CRACR2A: variants seen among roughly 807,000 people sequenced by gnomAD.
CRACR2A encodes EF-hand calcium-binding domain-containing protein 4B.
CRACR2A carries 79 observed loss-of-function variants against 90.5 expected under a neutral mutation model. That is an observed-to-expected ratio of 0.87 (90% confidence interval 0.73 to 1.05). CRACR2A has a LOEUF of 1.05. CRACR2A is among the 50% of genes least tolerant of loss of function. CRACR2A has a pLI of 0.00. For synonymous variants in CRACR2A, 338 were observed against 356.7 expected (o/e 0.95, Z 0.59); for missense variants, 823 against 897.2 (o/e 0.92, Z 1.06).
chr12:3,627,266 A>C (rs1347143619), intron 17 of CRACR2A, among the ~76,000 whole-genome samples, 170 bp downstream of exon 17: 24 of 152,188 alleles, frequency 1.6e-4, no homozygotes, highest in Admixed American at 1.6e-3. Context: ...CTGGCCTGGT[A>C]CTGGGAACCC....
chr12:3,647,119 A>C (rs1591653351), intron 11 of CRACR2A, among the ~76,000 whole-genome samples: 1 of 151,664 alleles, frequency 6.6e-6, no homozygotes, highest in African/African-American at 2.4e-5. Flanking sequence ...AGCCCTTCTC[A>C]CCCCGTCACA....
chr12:3,619,630 C>T (rs1204643216), intron 17 of CRACR2A, among the ~76,000 whole-genome samples: 2 of 152,198 alleles, frequency 1.3e-5, no homozygotes, highest in Admixed American at 6.5e-5. Context: ...ACCGCTCCCC[C>T]TTCACGATGC....
At chr12:3,685,530 C>T (rs1421558643) in intron 4 of CRACR2A, among the ~76,000 whole-genome samples, 2 of 152,188 alleles carry the variant, frequency 1.3e-5, no homozygotes, top group African/African-American at 4.8e-5. Context: ...GTGGTATATA[C>T]ATACAATGGA....
At chr12:3,689,254 C>T (rs1327183880) in intron 4 of CRACR2A, among the ~76,000 whole-genome samples, 3 of 152,146 alleles carry the variant, frequency 2.0e-5, no homozygotes, top group Non-Finnish European at 2.9e-5. Flanking sequence ...TGAGAGAGGG[C>T]ATCCTTGTCT....
rs778163538 is a variant in CRACR2A at position 3,696,967 on chromosome 12, T to C, written c.33A>G (p.Arg11=). The change falls in exon 4 of 20, where the codon AGA becomes AGG. Residue 11 remains arginine, a synonymous_variant. Coordinates refer to ENST00000440314, the MANE Select transcript of CRACR2A (RefSeq NM_001144958.2). The part of the protein sequence containing the change: MAAPDGRVVS[R]PQRLGQGSGQ... ...CAGACCCCTGACCAAGTCTCTGGGG[T>C]CTGGAGACTACCCTCCCGTCAGGGG... 1.2e-6 allele frequency: 2 copies of C among 1,613,714 alleles called. No individual in the cohort carries two copies. Among genetic ancestry groups the C allele is most frequent in the Non-Finnish European group, 8.5e-7 (1 of 1,179,912 alleles).
In CRACR2A at chr12:3,673,506, A is replaced by C; in HGVS notation, c.611T>G (p.Ile204Ser). 2 of 1,614,178 alleles carry C rather than the reference A, an allele frequency of 1.2e-6. No homozygotes were observed. The highest frequency in any genetic ancestry group is 1.7e-6 in the Non-Finnish European group (2 of 1,180,036). Residue 204 changes from isoleucine to serine, a missense_variant, in exon 7 of 20, where the codon ATC becomes AGC. Transcript: ENST00000440314. ...LSNFEDFLTR[I>S]ISQLQEAHEE... ...ATGGGCTTCTTGGAGCTGGGAGATG[A>C]TTCTGGTCAGGAAGTCTTCAAAGTT...
chr12:3,637,453 G>A (rs927383322), intron 14 of CRACR2A, among the ~76,000 whole-genome samples: 1 of 152,116 alleles, frequency 6.6e-6, no homozygotes, highest in Non-Finnish European at 1.5e-5. Context: ...CAAATAATCT[G>A]ATCAATCTTT....
intron 1 of CRACR2A, among the ~76,000 whole-genome samples, chr12:3,749,795 TTG>T (rs200387314): frequency 0.093 from 13,405 of 144,360 alleles, 683 homozygotes; most frequent in South Asian, 0.16. Context: ...TGCTGTTTCT[TTG>T]TGTGTGTGTG....
At chr12:3,745,245 A>C (rs1360074410) in intron 1 of CRACR2A, among the ~76,000 whole-genome samples, 1 of 152,174 alleles carries the variant, frequency 6.6e-6, no homozygotes, top group South Asian at 2.1e-4. Flanking sequence ...GGCACCACTG[A>C]AAGATCTAGA....
chr12:3,706,963 T>C (rs1301841521), intron 3 of CRACR2A, among the ~76,000 whole-genome samples: 1 of 152,076 alleles, frequency 6.6e-6, no homozygotes, highest in Non-Finnish European at 1.5e-5. Context: ...GATTATATTA[T>C]AATAAAATGA....
intron 14 of CRACR2A, among the ~76,000 whole-genome samples, chr12:3,637,751 C>T (rs985270108): frequency 2.6e-5 from 4 of 152,136 alleles, no homozygotes; most frequent in African/African-American, 4.8e-5. Context: ...GAAGGACTTG[C>T]GTCAGAAATA....
chr12:3,615,413 ACT>A lies in CRACR2A; in HGVS notation c.2136_2137del (p.Val713GlufsTer12). On this transcript the variant is annotated frameshift_variant, in exon 20 of 20. Coordinates refer to ENST00000440314, the MANE Select transcript of CRACR2A (RefSeq NM_001144958.2). LOFTEE classifies it high-confidence loss of function. ...GCCGACCTGAATGGTGTCCTCTCTC[ACT>A]GTGTCTTCTTGCTCCTTGAGGAACC... The A allele has an allele frequency of 1.3e-6, 2 of 1,551,226 alleles. No homozygotes were observed. Among genetic ancestry groups the A allele is most frequent in the Non-Finnish European group, 1.7e-6 (2 of 1,146,740 alleles).
At chr12:3,685,170 T>C (rs1178875310) in intron 4 of CRACR2A, among the ~76,000 whole-genome samples, 7 of 152,216 alleles carry the variant, frequency 4.6e-5, no homozygotes, top group African/African-American at 1.7e-4. Context: ...CCGCCACTCA[T>C]GTAGATTGGA....
intron 14 of CRACR2A, among the ~76,000 whole-genome samples, chr12:3,634,223 G>A (rs567985218): frequency 1.2e-4 from 19 of 152,196 alleles, no homozygotes; most frequent in Non-Finnish European, 2.5e-4. Context: ...GGACAGAGAC[G>A]TCCCAGGTTG....
At chr12:3,720,525 T>C (rs1946154451) in intron 2 of CRACR2A, among the ~76,000 whole-genome samples, 1 of 152,138 alleles carries the variant, frequency 6.6e-6, no homozygotes, top group Non-Finnish European at 1.5e-5. Flanking sequence ...GCCAGGCTCT[T>C]GTGCCTGCCA....
intron 3 of CRACR2A, among the ~76,000 whole-genome samples, chr12:3,704,170 G>T (rs149690171): frequency 1.3e-5 from 2 of 152,166 alleles, no homozygotes; most frequent in South Asian, 4.1e-4. Flanking sequence ...CCAAATGTTC[G>T]TTGACAGGTA....
At chr12:3,645,632 C>T (rs899737915) in intron 11 of CRACR2A, among the ~76,000 whole-genome samples, 1 of 152,018 alleles carries the variant, frequency 6.6e-6, no homozygotes, top group Non-Finnish European at 1.5e-5. Context: ...TGACACTTGA[C>T]GAATATTTTT....
chr12:3,726,866 A>G (rs1279703547), intron 2 of CRACR2A: 1 of 152,142 alleles, frequency 6.6e-6, no homozygotes, highest in Non-Finnish European at 1.5e-5. Context: ...AAAGAAAGAA[A>G]AAAAAAAGTG....
chr12:3,680,468 C>T (rs964652077), intron 4 of CRACR2A, 119 bp from the exon 5 acceptor site: 3 of 733,098 alleles, frequency 4.1e-6, no homozygotes, highest in South Asian at 1.7e-5. Flanking sequence ...CTACAAAAGC[C>T]AGTAGAAAGC....
Sources: allele counts gnomAD v4.1 joint callset (sites outside exome capture counted in the v4.1 genomes callset), GRCh38; gene constraint gnomAD v4.1.1; transcripts MANE v1.5; gene names NCBI Gene and HGNC (gene_info 2026-07-23, HGNC 2026-07-21).